DNAH7: variants seen among roughly 807,000 people sequenced by gnomAD.
DNAH7 encodes the protein dynein axonemal heavy chain 7.
A neutral mutation model predicts 444.6 loss-of-function variants in DNAH7; 397 were observed. The ratio of observed to expected loss-of-function variants is 0.89; its 90% CI spans 0.82 to 0.97. The LOEUF is 0.97. Among genes scored for constraint, DNAH7 ranks in the 50% least tolerant of loss-of-function variants. The pLI is 0.00. For synonymous variants in DNAH7, 1,636 were observed against 1,624.4 expected (o/e 1.01, Z -0.17); for missense variants, 4,902 against 4,800.8 (o/e 1.02, Z -0.62).
At chr2:195,747,178 T>G (rs1042804695) in intron 63 of DNAH7, among the ~76,000 whole-genome samples, 3 of 151,596 alleles carry the variant, frequency 2.0e-5, no homozygotes, top group African/African-American at 7.3e-5. Context: ...TCACCACCGA[T>G]CCCACAGAAA....
At chr2:195,918,242 T>C (rs1687806835) in intron 24 of DNAH7, among the ~76,000 whole-genome samples, 1 of 152,232 alleles carries the variant, frequency 6.6e-6, no homozygotes, top group South Asian at 2.1e-4. Context: ...GAGATGCCAC[T>C]ACACATCTAT....
chr2:195,991,843 C>T (rs529005840), intron 12 of DNAH7, among the ~76,000 whole-genome samples: 1 of 152,334 alleles, frequency 6.6e-6, no homozygotes, highest in Admixed American at 6.5e-5. Flanking sequence ...TACTAACTCA[C>T]TTTGTGGGCT....
chr2:195,974,728 AATAT>A (rs1303898345), intron 15 of DNAH7, among the ~76,000 whole-genome samples: 1 of 148,662 alleles, frequency 6.7e-6, no homozygotes, highest in East Asian at 2.0e-4. Flanking sequence ...ATATTCTAAA[AATAT>A]ATATAGGCAT....
chr2:196,001,638 T>G lies in DNAH7; in HGVS notation c.1173+37A>C, dbSNP rs931854638. 4.2e-6 allele frequency: 6 copies of G among 1,434,520 alleles called. No homozygotes were observed. In the African/African-American group the frequency reaches 4.3e-5, roughly 10 times the overall value. The allele number at this position is 1,434,520 out of a possible 1,614,324, so 88.9% of individuals were successfully genotyped here. On this transcript the variant is annotated intron_variant, in intron 11 of 64. Transcript: ENST00000312428. The stretch of plus-strand genomic sequence containing the variant: ...TCTGAAATAATTAAAAATAAATAAA[T>G]TTGTAAATACATATTGGTGAACTGA...
chr2:195,853,426 G>A lies in DNAH7; in HGVS notation c.8698C>T (p.Leu2900=), dbSNP rs773056200. The change falls in exon 46 of 65, where the codon CTG becomes TTG. Residue 2900 remains leucine (L), a synonymous_variant. Transcript: ENST00000312428. The part of the protein sequence containing the change: ...WSHTALELGQ[L]YINLTGDILI... ...ATATCCCCAGTCAAGTTGATGTACA[G>A]CTGACCTAGCTCCAGAGCTGTGTGG... The A allele has an allele frequency of 5.0e-6, 8 of 1,613,974 alleles. No homozygotes were observed. The East Asian group carries it at 1.1e-4, about 22-fold the overall frequency.
At chr2:196,047,274 A>G (rs1184503416) in intron 5 of DNAH7, 78 bp downstream of exon 5, 8 of 1,309,826 alleles carry the variant, frequency 6.1e-6, no homozygotes, top group Non-Finnish European at 7.1e-6. Context: ...AGATGCACAG[A>G]ATTCTAATAT....
chr2:195,926,067 TAA>T (rs1688312292), intron 22 of DNAH7, among the ~76,000 whole-genome samples: 1 of 152,102 alleles, frequency 6.6e-6, no homozygotes, highest in Non-Finnish European at 1.5e-5. Context: ...ACTCAAGGTA[TAA>T]AAGAGAATAC....
In DNAH7 at chr2:195,853,449, TG is replaced by T. The variant is rs1263492712; in HGVS notation, c.8674del (p.His2892ThrfsTer6). ...CAGCTGACCTAGCTCCAGAGCTGTG[TG>T]GCTCCATCGAGTTTTCTCACCTCCA... The part of the protein sequence containing the change: ...GLGGEKTRWS[H>X]TALELGQLYI... On this transcript the variant is annotated frameshift_variant, in exon 46 of 65. Transcript: ENST00000312428. LOFTEE classifies it high-confidence loss of function. The T allele has an allele frequency of 6.2e-7, 1 of 1,614,010 alleles. No individual in the cohort carries two copies. The highest frequency in any genetic ancestry group is 8.5e-7 in the Non-Finnish European group (1 of 1,180,010).
chr2:195,988,316 G>A (rs1693063661), intron 12 of DNAH7, 87 bp from the exon 13 acceptor site: 2 of 1,182,836 alleles, frequency 1.7e-6, no homozygotes, highest in African/African-American at 3.2e-5. Flanking sequence ...ATCTTACAAT[G>A]TTTCTTGTCT....
intron 49 of DNAH7, among the ~76,000 whole-genome samples, chr2:195,821,251 G>A (rs1268446160): frequency 2.0e-4 from 30 of 152,002 alleles, no homozygotes; most frequent in Admixed American, 2.0e-3. Context: ...GGTTTTGCCT[G>A]ATTTATAAAT....
At chr2:196,063,427 C>T (rs7591341) in intron 1 of DNAH7, 112,901 of 152,122 alleles carry the variant, frequency 0.74, 45,274 homozygotes, top group South Asian at 0.93. Context: ...CTGTTTAAAA[C>T]GCCTTCAACA....
intron 31 of DNAH7, among the ~76,000 whole-genome samples, chr2:195,890,998 C>G (rs1701984289): frequency 6.6e-6 from 1 of 152,238 alleles, no homozygotes; most frequent in Non-Finnish European, 1.5e-5. Flanking sequence ...ATCACATGCT[C>G]TGCAGAACCT....
intron 59 of DNAH7, 96 bp downstream of exon 59, chr2:195,777,701 AAAC>A: frequency 7.7e-7 from 1 of 1,292,920 alleles, no homozygotes. Context: ...GGTAACAAAA[AAAC>A]AAGGCCTGCA....
chr2:196,041,403 A>G (rs1255216039), intron 5 of DNAH7, among the ~76,000 whole-genome samples: 1 of 152,092 alleles, frequency 6.6e-6, no homozygotes, highest in Non-Finnish European at 1.5e-5. Context: ...GCATAAATAA[A>G]TCCATGCATT....
intron 48 of DNAH7, among the ~76,000 whole-genome samples, chr2:195,824,762 ATC>A (rs2124917735): frequency 6.6e-6 from 1 of 152,306 alleles, no homozygotes; most frequent in South Asian, 2.1e-4. Flanking sequence ...AAGTTTATCC[ATC>A]TGAGACACCA....
chr2:195,738,198 A>G (rs1692767945), intron 64 of DNAH7, 71 bp from the exon 65 acceptor site: 11 of 1,366,268 alleles, frequency 8.1e-6, no homozygotes, highest in African/African-American at 1.4e-5. Context: ...TGAGCCTACT[A>G]TAGTATTCTC....
At chr2:196,020,125 T>C (rs926084786) in intron 8 of DNAH7, among the ~76,000 whole-genome samples, 10 of 152,168 alleles carry the variant, frequency 6.6e-5, no homozygotes, top group African/African-American at 2.2e-4. Context: ...TTTTCTTTTC[T>C]CTAGCTTATT....
chr2:195,741,844 C>T (rs1304115039), intron 63 of DNAH7, among the ~76,000 whole-genome samples: 3 of 152,036 alleles, frequency 2.0e-5, no homozygotes, highest in Admixed American at 2.0e-4. Context: ...GTATGGTAGC[C>T]GCTAGCTATA....
intron 10 of DNAH7, among the ~76,000 whole-genome samples, chr2:196,004,782 TCACA>T (rs58787682): frequency 0.073 from 10,627 of 146,182 alleles, 1,213 homozygotes; most frequent in African/African-American, 0.25. Flanking sequence ...AGGGTCTGTC[TCACA>T]CACACACACA....
Sources: gnomAD v4.1 joint callset for allele counts (sites outside exome capture counted in the v4.1 genomes callset) on GRCh38, gnomAD v4.1.1 for gene constraint, MANE v1.5 for transcripts, NCBI Gene and HGNC (gene_info 2026-07-23, HGNC 2026-07-21) for gene names.